The following ZNF713 variants were observed in gnomAD, a reference collection of about 807,000 sequenced individuals.
The protein encoded by ZNF713 is zinc finger protein 713.
ZNF713 carries 21 observed loss-of-function variants against 28.7 expected under a neutral mutation model. The observed-to-expected ratio is 0.73, with a 90% CI of 0.52 to 1.05. The LOEUF is 1.05. Among genes scored for constraint, ZNF713 ranks in the 50% least tolerant of loss-of-function variants. The probability of loss-of-function intolerance (pLI) is 0.00; values close to 1 mark genes in which losing one functional copy is unlikely to be tolerated. For missense variants in ZNF713, 458 were observed against 532.4 expected (o/e 0.86, Z 1.37); for synonymous variants, 167 against 178.0 (o/e 0.94, Z 0.49).
chr7:55,895,359 T>A (rs1352599652), intron 1 of ZNF713, among the ~76,000 whole-genome samples: 1 of 152,124 alleles, frequency 6.6e-6, no homozygotes, highest in African/African-American at 2.4e-5. Context: ...GGTGTTGCTA[T>A]TCATTGAGAT....
At chr7:55,896,878 A>C (rs1445850698) in intron 1 of ZNF713, among the ~76,000 whole-genome samples, 2 of 152,104 alleles carry the variant, frequency 1.3e-5, no homozygotes, top group African/African-American at 4.8e-5. Context: ...TATTGCCAAG[A>C]AGTGAGAAAG....
intron 6 of ZNF713, among the ~76,000 whole-genome samples, chr7:55,934,425 C>T (rs763353968): frequency 1.8e-4 from 28 of 152,096 alleles, no homozygotes; most frequent in Non-Finnish European, 3.8e-4. Flanking sequence ...CCATTTTTCA[C>T]CCATCAAATT....
At chr7:55,902,504 G>A (rs1351687402) in intron 1 of ZNF713, among the ~76,000 whole-genome samples, 4 of 152,148 alleles carry the variant, frequency 2.6e-5, no homozygotes, top group Non-Finnish European at 5.9e-5. Flanking sequence ...CTATTGTAAA[G>A]ACGAATTTTC....
At chr7:55,901,111 A>G (rs1785568001) in intron 1 of ZNF713, among the ~76,000 whole-genome samples, 1 of 152,214 alleles carries the variant, frequency 6.6e-6, no homozygotes, top group South Asian at 2.1e-4. Context: ...CACGCTGCTG[A>G]TAAAGACATA....
At chr7:55,925,873 A>G (rs1340251478) in intron 6 of ZNF713, among the ~76,000 whole-genome samples, 1 of 152,140 alleles carries the variant, frequency 6.6e-6, no homozygotes, top group African/African-American at 2.4e-5. Context: ...CTTTTCAGGT[A>G]AATTTCCAGG....
chr7:55,894,043 A>C (rs1184588759), intron 1 of ZNF713, among the ~76,000 whole-genome samples: 6 of 152,210 alleles, frequency 3.9e-5, no homozygotes, highest in African/African-American at 1.4e-4. Context: ...CTGAGCCCCA[A>C]CACCAGTCAT....
chr7:55,927,272 C>T (rs1340974610), intron 6 of ZNF713, among the ~76,000 whole-genome samples: 2 of 152,162 alleles, frequency 1.3e-5, no homozygotes, highest in Admixed American at 6.5e-5. Flanking sequence ...CTCAGTGGCT[C>T]ACGCCTAGCA....
rs1362334538 is a variant in ZNF713 at position 55,938,875 on chromosome 7, A to G, written c.308-107A>G. 1.4e-5 allele frequency: 17 copies of G among 1,197,916 alleles called. No individual in the cohort carries two copies. The East Asian group carries it at 3.3e-4, about 23-fold the overall frequency. 74.2% of individuals were successfully genotyped at this position (1,197,916 alleles called of 1,614,324 possible). ...TCAATGCCGTGTATGCCTTGTACAC[A>G]TTACTGTCAGTTTTATTTGGTAATT... On this transcript the variant is annotated intron_variant, in intron 6 of 6. Transcript: ENST00000429591.
At chr7:55,918,900 A>G (rs558088649) in intron 4 of ZNF713, among the ~76,000 whole-genome samples, 63 of 152,232 alleles carry the variant, frequency 4.1e-4, no homozygotes, top group African/African-American at 1.4e-3. Context: ...AGGCTGAGAC[A>G]GGAGAATCGC....
intron 4 of ZNF713, among the ~76,000 whole-genome samples, chr7:55,921,281 G>A (rs1785987253): frequency 6.6e-6 from 1 of 152,152 alleles, no homozygotes. Context: ...GACTAATGCT[G>A]TTTTCGTGCC....
intron 4 of ZNF713, among the ~76,000 whole-genome samples, chr7:55,913,290 C>G (rs1785821469): frequency 6.6e-6 from 1 of 151,132 alleles, no homozygotes; most frequent in South Asian, 2.1e-4. Context: ...CAACCTCCGC[C>G]TCCTGGGTTC....
At position 55,923,779 on chromosome 7, in the gene ZNF713, A is replaced by G. The variant is rs537100578; in HGVS notation, c.307+80A>G. On this transcript the variant is annotated intron_variant, in intron 6 of 6. Transcript: ENST00000429591. ...AACCACTCAGTGGAGTGTTCCAAAA[A>G]TCTCCCTCTGGGATATAAGGAATAC... The G allele has an allele frequency of 2.7e-5, 30 of 1,099,274 alleles. No homozygotes were observed. The African/African-American group carries it at 3.7e-4, about 14-fold the overall frequency. 68.1% of individuals were successfully genotyped at this position (1,099,274 alleles called of 1,614,324 possible). A position where few individuals can be genotyped will look rare whatever the true frequency, so the allele number is the denominator to read the frequency against.
At chr7:55,911,143 T>A (rs538633313) in intron 2 of ZNF713, among the ~76,000 whole-genome samples, 1 of 152,218 alleles carries the variant, frequency 6.6e-6, no homozygotes, top group African/African-American at 2.4e-5. Context: ...GGAACTGCAG[T>A]TTTCTCTTTT....
intron 2 of ZNF713, among the ~76,000 whole-genome samples, chr7:55,909,290 A>G (rs2116208716): frequency 6.6e-6 from 1 of 150,986 alleles, no homozygotes; most frequent in South Asian, 2.1e-4. Context: ...ATTGAATAGG[A>G]TGTCCTTTCC....
At chr7:55,923,069 CT>C (rs1353933116) in intron 4 of ZNF713, 92 bp from the exon 5 acceptor site, 12 of 1,390,240 alleles carry the variant, frequency 8.6e-6, no homozygotes, top group Non-Finnish European at 1.1e-5. Flanking sequence ...AGCACAATGG[CT>C]TAGATAACCT....
intron 6 of ZNF713, among the ~76,000 whole-genome samples, chr7:55,934,318 A>T (rs1242555135): frequency 1.3e-5 from 2 of 152,170 alleles, no homozygotes; most frequent in African/African-American, 2.4e-5. Context: ...CAGTACCACC[A>T]AAATATTCAC....
rs1298871430 is a variant in ZNF713, at chr7:55,928,207, C to T, written c.307+4508C>T. 3.3e-5 allele frequency among the ~76,000 whole-genome samples: 5 copies of T among 152,190 alleles called. No individual in the cohort carries two copies. The South Asian group carries it at 8.3e-4, about 25-fold the overall frequency. The stretch of plus-strand genomic sequence containing the variant: ...AGCACTGAGCAGTGATGAGGGCCCC[C>T]GTGAGACTCTGCCCCATACAGCTGT... On this transcript the variant is annotated intron_variant, in intron 6 of 6. Coordinates refer to ENST00000429591, the MANE Select transcript of ZNF713 (RefSeq NM_182633.3).
chr7:55,920,750 C>T (rs946175412), intron 4 of ZNF713, among the ~76,000 whole-genome samples: 2 of 147,932 alleles, frequency 1.4e-5, no homozygotes, highest in Non-Finnish European at 1.5e-5. Flanking sequence ...AAGATGCCAT[C>T]TAGGACTTTA....
Position 55,940,995 on chromosome 7 carries a change from A to AT in ZNF713, c.*995dup, listed in dbSNP as rs1786458765. ...CACGCCTGGCTAACTTTTTTTTTGT[A>AT]TTTTTTAGTAGAGACACGGTTTCAC... On this transcript the variant is annotated 3_prime_UTR_variant, in exon 7 of 7. Transcript: ENST00000429591. The AT allele has an allele frequency of 6.8e-6, 1 of 147,400 alleles. No individual in the cohort carries two copies. Among genetic ancestry groups the AT allele is most frequent in the African/African-American group, 2.5e-5 (1 of 40,376 alleles). 9.1% of individuals were successfully genotyped at this position (147,400 alleles called of 1,614,324 possible).
Sources: allele counts gnomAD v4.1 joint callset (sites outside exome capture counted in the v4.1 genomes callset), GRCh38; gene constraint gnomAD v4.1.1; transcripts MANE v1.5; gene names NCBI Gene and HGNC (gene_info 2026-07-23, HGNC 2026-07-21).